ZDHHC11B: variants seen among roughly 807,000 people sequenced by gnomAD.
The protein encoded by ZDHHC11B is probable palmitoyltransferase ZDHHC11B.
In ZDHHC11B, 17 loss-of-function variants were observed where a neutral mutation model predicts 42.3. The observed-to-expected ratio is 0.40, with a 90% CI of 0.27 to 0.60. The LOEUF (loss-of-function observed/expected upper bound fraction) is 0.60, where lower values mean the gene tolerates loss of function less well. Among genes scored for constraint, ZDHHC11B ranks in the 20% least tolerant of loss-of-function variants. The pLI, the probability that ZDHHC11B is intolerant of heterozygous loss-of-function variation, is 0.41. For synonymous variants in ZDHHC11B, 123 were observed against 193.5 expected (o/e 0.64, Z 3.02); for missense variants, 262 against 463.2 (o/e 0.57, Z 3.99).
In ZDHHC11B at chr5:741,104, C is replaced by T. The variant is rs1418804627; in HGVS notation, c.935+490G>A. ...GCACTGCACAGCACTAGCTCCAAGACGCTTCTTGAAACCCTGTTTGTGAAG... is the reference window on the plus strand; with the variant it reads ...GCACTGCACAGCACTAGCTCCAAGATGCTTCTTGAAACCCTGTTTGTGAAG... On this transcript the variant is annotated intron_variant, in intron 10 of 13. Coordinates refer to ENST00000508859, the MANE Select transcript of ZDHHC11B (RefSeq NM_001351303.2). Among the ~76,000 whole-genome samples the T allele has an allele frequency of 1.8e-4, 23 of 127,488 alleles. No homozygotes were observed. In the South Asian group the frequency reaches 7.1e-3, roughly 39 times the overall value. 83.6% of individuals were successfully genotyped at this position (127,488 alleles called of 152,430 possible).
intron 4 of ZDHHC11B, among the ~76,000 whole-genome samples, chr5:759,043 G>A (rs530577251): frequency 2.6e-5 from 4 of 151,954 alleles, no homozygotes; most frequent in Admixed American, 6.6e-5. Flanking sequence ...CTACTTTCAC[G>A]TTTAATTTTA....
chr5:777,230 G>C (rs536939091), intron 1 of ZDHHC11B, among the ~76,000 whole-genome samples: 3 of 152,006 alleles, frequency 2.0e-5, no homozygotes, highest in Admixed American at 2.0e-4. Context: ...CTCGCAGTGA[G>C]TGTTACAGCT....
At position 711,631 on chromosome 5, in the gene ZDHHC11B, T is replaced by C. The variant is rs1741382066; in HGVS notation, c.*659A>G. 1 of 153,656 alleles carries C rather than the reference T, an allele frequency of 6.5e-6. No individual in the cohort carries two copies. Among genetic ancestry groups the C allele is most frequent in the Non-Finnish European group, 1.4e-5 (1 of 69,506 alleles). The allele number at this position is 153,656 out of a possible 1,614,324, so 9.5% of individuals were successfully genotyped here. A position where few individuals can be genotyped will look rare whatever the true frequency, so the allele number is the denominator to read the frequency against. ...GTGCCGTGCTCCCATTTCCCAGTGC[T>C]GTATACTCCTATCTCCCAGTGCTGT... On this transcript the variant is annotated 3_prime_UTR_variant, in exon 14 of 14. Coordinates refer to ENST00000508859, the MANE Select transcript of ZDHHC11B (RefSeq NM_001351303.2).
intron 1 of ZDHHC11B, among the ~76,000 whole-genome samples, chr5:770,842 C>A (rs1327716734): frequency 1.3e-5 from 2 of 151,904 alleles, no homozygotes; most frequent in Non-Finnish European, 2.9e-5. Context: ...GTAAGGCGCC[C>A]GCCCCCAGAG....
intron 11 of ZDHHC11B, chr5:732,813 T>C: frequency 3.9e-6 from 1 of 258,330 alleles, no homozygotes. Flanking sequence ...CTAATTCCCC[T>C]GAGCCTGGGG....
intron 1 of ZDHHC11B, among the ~76,000 whole-genome samples, chr5:776,594 C>T (rs1736509255): frequency 1.3e-5 from 2 of 151,798 alleles, no homozygotes; most frequent in African/African-American, 4.8e-5. Context: ...GAGACCCTCG[C>T]TGGTGAATGG....
chr5:775,894 G>A (rs1736434723), intron 1 of ZDHHC11B, among the ~76,000 whole-genome samples: 1 of 148,254 alleles, frequency 6.7e-6, no homozygotes, highest in African/African-American at 2.5e-5. Flanking sequence ...GCGCTCAGCA[G>A]TATTCAGGCA....
intron 12 of ZDHHC11B, among the ~76,000 whole-genome samples, chr5:729,624 A>C (rs1295295192): frequency 8.6e-5 from 13 of 151,082 alleles, no homozygotes; most frequent in African/African-American, 3.2e-4. Flanking sequence ...TTTCCACTTC[A>C]TTTTCTTTTA....
intron 1 of ZDHHC11B, among the ~76,000 whole-genome samples, chr5:779,869 G>T (rs1397874785): frequency 1.3e-5 from 2 of 148,404 alleles, no homozygotes; most frequent in South Asian, 2.2e-4. Context: ...GGAGATGTTT[G>T]CTATGCACAA....
rs931095148 is a variant in ZDHHC11B at position 719,094 on chromosome 5, C to T, written c.1059-2229G>A. On this transcript the variant is annotated intron_variant, in intron 12 of 13. Coordinates refer to ENST00000508859, the MANE Select transcript of ZDHHC11B (RefSeq NM_001351303.2). Reference sequence around the variant, plus strand: ...GGTCATAGAGATAAAGGAAGAGCAACTTCAGTGACAAGAAATACACATTTT... The same window carrying T: ...GGTCATAGAGATAAAGGAAGAGCAATTTCAGTGACAAGAAATACACATTTT... Among the ~76,000 whole-genome samples the T allele has an allele frequency of 6.6e-4, 100 of 151,800 alleles. 1 individual carries two copies. Among genetic ancestry groups the T allele is most frequent in the Non-Finnish European group, 1.3e-3 (91 of 67,982 alleles).
At chr5:714,400 T>A (rs1424883635) in intron 13 of ZDHHC11B, among the ~76,000 whole-genome samples, 1 of 144,724 alleles carries the variant, frequency 6.9e-6, no homozygotes, top group African/African-American at 2.7e-5. Context: ...TAAGGTGTAA[T>A]ACTGAAGAAG....
At chr5:758,324 C>T (rs1355237519) in intron 4 of ZDHHC11B, among the ~76,000 whole-genome samples, 1 of 151,884 alleles carries the variant, frequency 6.6e-6, no homozygotes, top group African/African-American at 2.4e-5. Context: ...AGGGCCTCTG[C>T]ACGAGCAGCA....
At chr5:720,175 C>T (rs187955344) in intron 12 of ZDHHC11B, among the ~76,000 whole-genome samples, 6 of 151,904 alleles carry the variant, frequency 3.9e-5, no homozygotes, top group South Asian at 4.2e-4. Context: ...AGGAGCTCAA[C>T]GAATTCCAAG....
intron 4 of ZDHHC11B, among the ~76,000 whole-genome samples, chr5:763,108 G>A (rs1362836612): frequency 2.6e-5 from 4 of 151,846 alleles, no homozygotes; most frequent in East Asian, 1.9e-4. Flanking sequence ...GGTGGCTCAC[G>A]CCTATAATCC....
At chr5:784,371 C>T (rs1289737138) in intron 1 of ZDHHC11B, among the ~76,000 whole-genome samples, 1 of 151,954 alleles carries the variant, frequency 6.6e-6, no homozygotes, top group East Asian at 1.9e-4. Context: ...GCCAAAGCGC[C>T]AGGCACAGGG....
chr5:773,941 G>A, intron 1 of ZDHHC11B, among the ~76,000 whole-genome samples: 1 of 151,940 alleles, frequency 6.6e-6, no homozygotes, highest in East Asian at 1.9e-4. Flanking sequence ...GCTTGAAGAG[G>A]ACAGAAGATG....
intron 7 of ZDHHC11B, among the ~76,000 whole-genome samples, chr5:750,708 C>G (rs1208988245): frequency 2.4e-5 from 3 of 126,122 alleles, no homozygotes; most frequent in African/African-American, 5.3e-5. Flanking sequence ...CACACCGCAG[C>G]CTACAGCCCA....
At chr5:780,431 C>T (rs1282439303) in intron 1 of ZDHHC11B, among the ~76,000 whole-genome samples, 7 of 151,376 alleles carry the variant, frequency 4.6e-5, no homozygotes, top group African/African-American at 1.7e-4. Flanking sequence ...TGGGGCTCCT[C>T]GACGCAGTGT....
chr5:744,696 C>T (rs1360146710), intron 9 of ZDHHC11B, among the ~76,000 whole-genome samples: 1 of 148,220 alleles, frequency 6.7e-6, no homozygotes, highest in Non-Finnish European at 1.5e-5. Context: ...CATGTCAAAA[C>T]CACGTCTCTA....
Sources: allele counts gnomAD v4.1 joint callset (sites outside exome capture counted in the v4.1 genomes callset), GRCh38; gene constraint gnomAD v4.1.1; transcripts MANE v1.5; gene names NCBI Gene and HGNC (gene_info 2026-07-23, HGNC 2026-07-21).